RPS6KA2: variants seen among roughly 807,000 people sequenced by gnomAD.
RPS6KA2 encodes the protein ribosomal protein S6 kinase A2.
A neutral mutation model predicts 91.8 loss-of-function variants in RPS6KA2; 42 were observed. The ratio of observed to expected loss-of-function variants is 0.46; its 90% CI spans 0.36 to 0.59. The LOEUF is 0.59. Among genes scored for constraint, RPS6KA2 ranks in the 20% least tolerant of loss-of-function variants. RPS6KA2 has a pLI of 0.00. For missense variants in RPS6KA2, 798 were observed against 978.5 expected (o/e 0.82, Z 2.46); for synonymous variants, 414 against 393.6 (o/e 1.05, Z -0.61).
chr6:166,816,953 C>T (rs997910675), intron 2 of RPS6KA2, among the ~76,000 whole-genome samples: 15 of 152,128 alleles, frequency 9.9e-5, no homozygotes, highest in African/African-American at 3.1e-4. Flanking sequence ...CCTCTCACTC[C>T]GAGTCCACGC....
chr6:166,487,600 G>C (rs2128472675), intron 10 of RPS6KA2, among the ~76,000 whole-genome samples: 1 of 152,264 alleles, frequency 6.6e-6, no homozygotes, highest in South Asian at 2.1e-4. Context: ...TTTATATGAA[G>C]TAAAGAATTA....
chr6:166,788,132 T>C lies in RPS6KA2; in HGVS notation c.123+70068A>G, dbSNP rs150190383. On this transcript the variant is annotated intron_variant, in intron 2 of 21. Transcript: ENST00000503859. ...ATGATTAGGCAAATCAAAACCACAA[T>C]GAGATACCATCTCACACTAGTCAGA... 8.4e-3 allele frequency among the ~76,000 whole-genome samples: 1,282 copies of C among 152,222 alleles called. 24 individuals carry two copies. The highest frequency in any genetic ancestry group is 0.03 in the African/African-American group (1,232 of 41,518).
chr6:166,711,699 C>T (rs899571449), intron 2 of RPS6KA2, among the ~76,000 whole-genome samples: 1 of 151,784 alleles, frequency 6.6e-6, no homozygotes, highest in Non-Finnish European at 1.5e-5. Flanking sequence ...ATGTTCTCAC[C>T]TCAAAACCCA....
chr6:166,757,463 C>G, intron 2 of RPS6KA2: 1 of 455,148 alleles, frequency 2.2e-6, no homozygotes, highest in Non-Finnish European at 4.4e-6. Context: ...CCCGTGATTT[C>G]CCAGCAGTAA....
chr6:166,828,350 T>C (rs1187817143), intron 2 of RPS6KA2, among the ~76,000 whole-genome samples: 2 of 152,200 alleles, frequency 1.3e-5, no homozygotes. Flanking sequence ...CACCTTCCTG[T>C]GGGGACAGAA....
chr6:166,531,504 G>A (rs761661011), intron 2 of RPS6KA2, among the ~76,000 whole-genome samples, 191 bp from the exon 3 acceptor site: 3 of 152,190 alleles, frequency 2.0e-5, no homozygotes, highest in Admixed American at 6.5e-5. Context: ...GCTCTGCGGC[G>A]AACATCACTA....
intron 2 of RPS6KA2, among the ~76,000 whole-genome samples, chr6:166,826,273 G>C (rs1343276720): frequency 1.3e-5 from 2 of 152,284 alleles, no homozygotes; most frequent in Middle Eastern, 3.4e-3. Context: ...TGAGAAAGTG[G>C]AAAAGTAGAA....
chr6:166,764,670 C>T (rs1562426026), intron 2 of RPS6KA2, among the ~76,000 whole-genome samples: 1 of 152,132 alleles, frequency 6.6e-6, no homozygotes, highest in African/African-American at 2.4e-5. Context: ...AGCCGGGTGC[C>T]CTCACTCTGT....
At chr6:166,824,692 T>C (rs994890789) in intron 2 of RPS6KA2, among the ~76,000 whole-genome samples, 1 of 146,118 alleles carries the variant, frequency 6.8e-6, no homozygotes, top group Non-Finnish European at 1.5e-5. Context: ...TCTACATGTG[T>C]GTCTGTGTCT....
Position 166,432,616 on chromosome 6 carries a change from C to T in RPS6KA2, c.1333-126G>A, listed in dbSNP as rs9459671. Reference sequence around the variant, plus strand: ...GGCCCAATCACTACAATCTCACACCCGACCAAGAGATAACCTGAGATTGTC... The same window carrying T: ...GGCCCAATCACTACAATCTCACACCTGACCAAGAGATAACCTGAGATTGTC... On this transcript the variant is annotated intron_variant, in intron 14 of 20. Coordinates refer to ENST00000265678, the MANE Select transcript of RPS6KA2 (RefSeq NM_021135.6). 6,180 of 581,336 alleles carry T rather than the reference C, an allele frequency of 0.011. 297 individuals carry two copies. Among genetic ancestry groups the T allele is most frequent in the African/African-American group, 0.1 (5,469 of 53,244 alleles). The allele number at this position is 581,336 out of a possible 1,614,324, so 36.0% of individuals were successfully genotyped here.
At chr6:166,680,878 T>G (rs1788781729) in intron 2 of RPS6KA2, among the ~76,000 whole-genome samples, 2 of 152,186 alleles carry the variant, frequency 1.3e-5, no homozygotes, top group Non-Finnish European at 2.9e-5. Context: ...AGAGGCACAG[T>G]TCAAACTTCA....
At chr6:166,769,069 G>A (rs1311917568) in intron 2 of RPS6KA2, among the ~76,000 whole-genome samples, 2 of 152,242 alleles carry the variant, frequency 1.3e-5, no homozygotes, top group South Asian at 2.1e-4. Context: ...AGGAAGGAAC[G>A]ACTCTCCAAG....
chr6:166,823,242 C>T (rs1289319429), intron 2 of RPS6KA2, among the ~76,000 whole-genome samples: 1 of 152,144 alleles, frequency 6.6e-6, no homozygotes, highest in Non-Finnish European at 1.5e-5. Context: ...AAGAAATATG[C>T]AAGATGTAGA....
chr6:166,648,134 A>G lies in RPS6KA2; in HGVS notation c.124-109350T>C, dbSNP rs1349960429. Among the ~76,000 whole-genome samples, 1 of 149,774 alleles carries G rather than the reference A, an allele frequency of 6.7e-6. No homozygotes were observed. Among genetic ancestry groups the G allele is most frequent in the Non-Finnish European group, 1.5e-5 (1 of 67,588 alleles). On this transcript the variant is annotated intron_variant, in intron 2 of 21. Coordinates refer to the RPS6KA2 transcript ENST00000503859. This position sits in a 1 kb window ranked among gnomAD's most constrained non-coding sequence, Gnocchi z 4.8. ...TGCACACACACGCTCATACACATAC[A>G]TGCACACACGCACATGGTTACACAC...
intron 3 of RPS6KA2, among the ~76,000 whole-genome samples, chr6:166,525,569 G>A (rs150021600): frequency 6.0e-4 from 92 of 152,306 alleles, no homozygotes; most frequent in African/African-American, 2.2e-3. Flanking sequence ...GAGCTGGAAG[G>A]AATCCCACTG....
At chr6:166,751,963 G>T (rs554038823) in intron 2 of RPS6KA2, among the ~76,000 whole-genome samples, 1 of 152,258 alleles carries the variant, frequency 6.6e-6, no homozygotes, top group Admixed American at 6.5e-5. Context: ...ACTCCGTGGA[G>T]CACAGAAGCC....
intron 2 of RPS6KA2, among the ~76,000 whole-genome samples, chr6:166,763,758 T>G (rs548729155): frequency 3.2e-4 from 48 of 152,330 alleles, no homozygotes; most frequent in African/African-American, 1.1e-3. Flanking sequence ...ACGACCTTGT[T>G]AGTTCGCTGT....
At chr6:166,618,129 G>A (rs1157551974) in intron 1 of RPS6KA2, among the ~76,000 whole-genome samples, 1 of 152,238 alleles carries the variant, frequency 6.6e-6, no homozygotes, top group African/African-American at 2.4e-5. Flanking sequence ...ACCAAGCCTT[G>A]AAACTCCAGA....
intron 2 of RPS6KA2, among the ~76,000 whole-genome samples, chr6:166,785,159 G>A (rs1778897324): frequency 6.6e-6 from 1 of 152,216 alleles, no homozygotes; most frequent in Non-Finnish European, 1.5e-5. Context: ...CCATTTGCTT[G>A]TAAAGGCAGT....
Sources: allele counts gnomAD v4.1 joint callset (sites outside exome capture counted in the v4.1 genomes callset), GRCh38; gene constraint gnomAD v4.1.1; non-coding constraint Gnocchi (gnomAD v3.1); transcripts MANE v1.5; gene names NCBI Gene and HGNC (gene_info 2026-07-23, HGNC 2026-07-21).